The following NTNG1 variants were observed in gnomAD, a reference collection of about 807,000 sequenced individuals.
NTNG1 encodes netrin-G1.
Under a neutral mutation model 54.0 loss-of-function variants are expected in NTNG1, and 16 were observed. The ratio of observed to expected loss-of-function variants is 0.30; its 90% confidence interval spans 0.20 to 0.45. The LOEUF (loss-of-function observed/expected upper bound fraction) is 0.45. Among genes scored for constraint, NTNG1 ranks in the 20% least tolerant of loss-of-function variants. The pLI is 1.00. For missense variants in NTNG1, 530 were observed against 678.7 expected, an observed-to-expected ratio of 0.78 and a Z score of 2.43; for synonymous variants, 255 against 263.1, an observed-to-expected ratio of 0.97 and a Z score of 0.30.
intron 7 of NTNG1, among the ~76,000 whole-genome samples, chr1:107,456,297 G>T (rs1468581196): frequency 2.0e-5 from 3 of 152,148 alleles, no homozygotes; most frequent in African/African-American, 4.8e-5. Flanking sequence ...AGGCTCACTT[G>T]GCTGTGAGCT....
At chr1:107,318,214 A>C (rs12730063) in intron 2 of NTNG1, among the ~76,000 whole-genome samples, 86,324 of 151,970 alleles carry the variant, frequency 0.57, 26,296 homozygotes, top group Non-Finnish European at 0.68. Flanking sequence ...CACCACTTAG[A>C]CCTGTCCCGC....
At chr1:107,256,139 G>A (rs927022625) in intron 2 of NTNG1, among the ~76,000 whole-genome samples, 1 of 152,192 alleles carries the variant, frequency 6.6e-6, no homozygotes, top group African/African-American at 2.4e-5. Flanking sequence ...ATGGCTAAAT[G>A]TGGCTGTCCT....
intron 2 of NTNG1, among the ~76,000 whole-genome samples, chr1:107,204,269 T>G (rs1481579170): frequency 6.6e-6 from 1 of 152,210 alleles, no homozygotes; most frequent in Non-Finnish European, 1.5e-5. Flanking sequence ...CTATTTCCGT[T>G]GAGTCACGAC....
At chr1:107,289,512 C>A (rs1665443677) in intron 2 of NTNG1, among the ~76,000 whole-genome samples, 1 of 152,098 alleles carries the variant, frequency 6.6e-6, no homozygotes, top group African/African-American at 2.4e-5. Context: ...ATGTCATTCC[C>A]ACCTCTCAAC....
chr1:107,301,159 TAAC>T (rs1318629896), intron 2 of NTNG1, among the ~76,000 whole-genome samples: 1 of 152,194 alleles, frequency 6.6e-6, no homozygotes, highest in East Asian at 1.9e-4. Context: ...AAAAATTTAA[TAAC>T]AATAACAATC....
At chr1:107,317,598 G>C (rs1667407319) in intron 2 of NTNG1, among the ~76,000 whole-genome samples, 1 of 152,010 alleles carries the variant, frequency 6.6e-6, no homozygotes, top group Admixed American at 6.6e-5. Context: ...TGGTCTTCTT[G>C]ACCCCTCAGC....
chr1:107,298,987 G>GTACA (rs1365854762), intron 2 of NTNG1, among the ~76,000 whole-genome samples: 2 of 152,104 alleles, frequency 1.3e-5, no homozygotes, highest in Non-Finnish European at 2.9e-5. Flanking sequence ...TGGACTATGG[G>GTACA]TACATATGGG....
chr1:107,355,979 C>A (rs1403555641), intron 3 of NTNG1, among the ~76,000 whole-genome samples: 1 of 152,154 alleles, frequency 6.6e-6, no homozygotes, highest in Non-Finnish European at 1.5e-5. Context: ...GTATTCCAGA[C>A]CACCGTCGTG....
chr1:107,149,282 G>C (rs1443954821), intron 2 of NTNG1, among the ~76,000 whole-genome samples: 1 of 152,100 alleles, frequency 6.6e-6, no homozygotes, highest in Admixed American at 6.6e-5. Flanking sequence ...TTCAAGGAGA[G>C]ACTAGATCTC....
At chr1:107,174,874 A>G (rs919061449) in intron 2 of NTNG1, among the ~76,000 whole-genome samples, 2 of 152,068 alleles carry the variant, frequency 1.3e-5, no homozygotes, top group Non-Finnish European at 2.9e-5. Context: ...TATAACAGAT[A>G]CTTCACTAAT....
intron 7 of NTNG1, 112 bp from the exon 8 acceptor site, chr1:107,480,499 T>A: frequency 1.5e-6 from 1 of 680,086 alleles, no homozygotes; most frequent in Non-Finnish European, 2.5e-6. Context: ...AGCACAAAGA[T>A]CGATAGAGAT....
At chr1:107,430,964 A>G (rs769298127) in intron 6 of NTNG1, 47 bp downstream of exon 6, 20 of 1,583,264 alleles carry the variant, frequency 1.3e-5, no homozygotes, top group Middle Eastern at 1.7e-4. Flanking sequence ...CTTTTGAGCT[A>G]CGGGGAGATA....
intron 3 of NTNG1, among the ~76,000 whole-genome samples, chr1:107,355,129 T>TGA (rs2100919657): frequency 6.6e-6 from 1 of 152,248 alleles, no homozygotes; most frequent in Admixed American, 6.5e-5. Context: ...TAAACCTTCC[T>TGA]GATCATTTTT....
Position 107,423,928 on chromosome 1 carries a change from A to G in NTNG1, c.1088-6822A>G, listed in dbSNP as rs529427959. On this transcript the variant is annotated intron_variant, in intron 5 of 7. Transcript: ENST00000370068. ...TCTGTTCCCCAAAGGAAGGGGTCTC[A>G]GGATCATCATTCATTCATTCATTTG... Among the ~76,000 whole-genome samples the G allele has an allele frequency of 7.2e-4, 110 of 152,256 alleles. No individual in the cohort carries two copies. In the Middle Eastern group the frequency reaches 0.01, roughly 14 times the overall value.
rs182000254 is a variant in NTNG1, at chr1:107,324,742, G to A, written c.707G>A (p.Arg236His). The A allele has an allele frequency of 3.1e-5, 50 of 1,613,544 alleles. No individual in the cohort carries two copies. In the Admixed American group the frequency reaches 8.0e-4, roughly 26 times the overall value. Reference sequence around the variant, plus strand: ...AGGTTCGCGTTTTTTGCTGGACCTCGCCTACGCAATATGGCTTCCCTCTAC... The same window carrying A: ...AGGTTCGCGTTTTTTGCTGGACCTCACCTACGCAATATGGCTTCCCTCTAC... Reference protein sequence around the residue: ...KDRFAFFAGPRLRNMASLYGQ... With the variant: ...KDRFAFFAGPHLRNMASLYGQ... The change falls in exon 3 of 8, where the codon CGC becomes CAC. Residue 236 changes from arginine to histidine, a missense_variant. Physicochemically the swap from Arg to His is conservative, Grantham distance 29. Transcript: ENST00000370068.
intron 2 of NTNG1, among the ~76,000 whole-genome samples, chr1:107,228,280 A>G (rs1660820539): frequency 6.6e-6 from 1 of 152,146 alleles, no homozygotes; most frequent in Admixed American, 6.6e-5. Flanking sequence ...TAGTATTAAT[A>G]CACTATTCAG....
At chr1:107,151,723 C>T (rs1027139381) in intron 2 of NTNG1, among the ~76,000 whole-genome samples, 1 of 152,034 alleles carries the variant, frequency 6.6e-6, no homozygotes, top group Admixed American at 6.6e-5. Context: ...TTTTCATTGA[C>T]TTCATCATTA....
chr1:107,225,459 A>G (rs112102252), intron 2 of NTNG1, among the ~76,000 whole-genome samples: 2 of 152,268 alleles, frequency 1.3e-5, no homozygotes, highest in Admixed American at 6.5e-5. Flanking sequence ...TATAGTTCAG[A>G]CAACATGGAT....
intron 3 of NTNG1, among the ~76,000 whole-genome samples, chr1:107,337,520 G>T (rs930707866): frequency 6.6e-6 from 1 of 151,972 alleles, no homozygotes; most frequent in Non-Finnish European, 1.5e-5. Flanking sequence ...AGATAAAAAA[G>T]TTCCAGAGAT....
Sources: allele counts gnomAD v4.1 joint callset (sites outside exome capture counted in the v4.1 genomes callset), GRCh38; gene constraint gnomAD v4.1.1; transcripts MANE v1.5; gene names NCBI Gene and HGNC (gene_info 2026-07-23, HGNC 2026-07-21).